TTC21A: variants seen among roughly 807,000 people sequenced by gnomAD.
The protein encoded by TTC21A is tetratricopeptide repeat domain 21A.
In TTC21A, 128 loss-of-function variants were observed where a neutral mutation model predicts 156.4. That is an observed-to-expected ratio of 0.82 (90% CI 0.71 to 0.95). The LOEUF (loss-of-function observed/expected upper bound fraction) is 0.95, where lower values mean the gene tolerates loss of function less well. Among genes scored for constraint, TTC21A ranks in the 40% least tolerant of loss-of-function variants. TTC21A has a pLI of 0.00. For missense variants in TTC21A, 1,435 were observed against 1,602.3 expected (o/e 0.90, Z 1.78); for synonymous variants, 587 against 617.1 (o/e 0.95, Z 0.72).
At chr3:39,113,691 G>A (rs2037022971) in intron 5 of TTC21A, among the ~76,000 whole-genome samples, 1 of 152,202 alleles carries the variant, frequency 6.6e-6, no homozygotes, top group African/African-American at 2.4e-5. Flanking sequence ...CATTTAGTTT[G>A]TTTTTCTTCA....
In TTC21A at chr3:39,121,032, T is replaced by TA; in HGVS notation, c.937dup (p.Ser313LysfsTer68). On this transcript the variant is annotated frameshift_variant, in exon 9 of 29. Transcript: ENST00000683103. LOFTEE classifies it high-confidence loss of function. ...ACCAGGTGATTCTAGGGCTAGTGTG[T>TA]AGTTTCATCGAGCGCACCTTCATGG... 6.2e-7 allele frequency: 1 copy of TA among 1,613,140 alleles called. No individual in the cohort carries two copies. Among genetic ancestry groups the TA allele is most frequent in the Non-Finnish European group, 8.5e-7 (1 of 1,179,404 alleles).
chr3:39,107,735 G>T lies in TTC21A; in HGVS notation c.-103G>T. The T allele has an allele frequency of 1.3e-6, 2 of 1,532,468 alleles. No homozygotes were observed. The highest frequency in any genetic ancestry group is 2.3e-5 in the East Asian group (1 of 44,418). The allele number at this position is 1,532,468 out of a possible 1,614,324, so 94.9% of individuals were successfully genotyped here. A position where few individuals can be genotyped will look rare whatever the true frequency, so the allele number is the denominator to read the frequency against. On this transcript the variant is annotated 5_prime_UTR_variant, in exon 1 of 29. Coordinates refer to ENST00000683103, the MANE Select transcript of TTC21A (RefSeq NM_001366900.1). ...CAGCTCGGTTTCCAAGGACTGTAAC[G>T]CCTTCAACCGCCCGCCGCGATAGAG...
chr3:39,131,521 A>T (rs1358187156), intron 19 of TTC21A: 1 of 158,324 alleles, frequency 6.3e-6, no homozygotes, highest in Non-Finnish European at 1.4e-5. Flanking sequence ...AAATGTGCCC[A>T]AAGTTGGGTT....
chr3:39,133,740 C>T (rs112830800), intron 20 of TTC21A, among the ~76,000 whole-genome samples: 133 of 152,330 alleles, frequency 8.7e-4, no homozygotes, highest in African/African-American at 3.0e-3. Context: ...ACTCATTTAA[C>T]AGATACCTCA....
rs2037548559 is a variant in TTC21A, at chr3:39,119,364, C to CCTAACCTTT, written c.802-547_802-539dup. On this transcript the variant is annotated intron_variant, in intron 7 of 28. Coordinates refer to ENST00000683103, the MANE Select transcript of TTC21A (RefSeq NM_001366900.1). ...TGGCTGGGTGACCTCAGACCAATTG[C>CCTAACCTTT]CTAACCTTTCTAACCTTTCATGTGT... The CCTAACCTTT allele has an allele frequency of 2.0e-5, 3 of 152,196 alleles. No individual in the cohort carries two copies. In the South Asian group the frequency reaches 6.2e-4, roughly 31 times the overall value. The allele number at this position is 152,196 out of a possible 1,614,324, so 9.4% of individuals were successfully genotyped here.
In TTC21A at chr3:39,126,542, C is replaced by T. The variant is rs539570831; in HGVS notation, c.1522+152C>T. On this transcript the variant is annotated intron_variant, in intron 12 of 28. Coordinates refer to ENST00000683103, the MANE Select transcript of TTC21A (RefSeq NM_001366900.1). ...CACACTCTCCTTGCCTGGGGTACTA[C>T]GCACACACACACACACATGCATGCT... is the stretch of plus-strand genomic sequence containing the variant. 39 of 778,454 alleles carry T rather than the reference C, an allele frequency of 5.0e-5. 1 individual carries two copies. Among genetic ancestry groups the T allele is most frequent in the Admixed American group, 4.1e-4 (18 of 43,658 alleles). 48.2% of individuals were successfully genotyped at this position (778,454 alleles called of 1,614,324 possible).
intron 22 of TTC21A, among the ~76,000 whole-genome samples, chr3:39,135,879 C>A (rs910454043): frequency 5.3e-5 from 8 of 151,894 alleles, no homozygotes; most frequent in African/African-American, 1.9e-4. Flanking sequence ...ACGGTGAAAC[C>A]CTGTCTCTAC....
At chr3:39,137,865 A>T in intron 26 of TTC21A, 155 bp downstream of exon 26, 1 of 793,916 alleles carries the variant, frequency 1.3e-6, no homozygotes, top group East Asian at 2.7e-5. Context: ...ACAGACCAGA[A>T]TAGGAATGAG....
intron 15 of TTC21A, among the ~76,000 whole-genome samples, chr3:39,129,836 T>C (rs1360438439): frequency 1.3e-5 from 2 of 152,162 alleles, no homozygotes; most frequent in Non-Finnish European, 1.5e-5. Flanking sequence ...TCTGGAGGGA[T>C]AGCAGGTAGA....
chr3:39,133,314 A>C (rs919571535), intron 20 of TTC21A, 74 bp downstream of exon 20: 1 of 1,449,000 alleles, frequency 6.9e-7, no homozygotes, highest in Non-Finnish European at 9.4e-7. Flanking sequence ...CTGACCAGGT[A>C]CAGGGGCCAG....
rs77787383 is a variant in TTC21A, at chr3:39,132,233, T to G, written c.2563-819T>G. Among the ~76,000 whole-genome samples, 153 of 152,302 alleles carry G rather than the reference T, an allele frequency of 1.0e-3. 2 individuals carry two copies. In the East Asian group the frequency reaches 0.029, roughly 28 times the overall value. On this transcript the variant is annotated intron_variant, in intron 19 of 28. Coordinates refer to ENST00000683103, the MANE Select transcript of TTC21A (RefSeq NM_001366900.1). Reference sequence around the variant, plus strand: ...TTATAATCTTAAGGGACCAGCATCGTATATGTGGTCTGTCATTGACTGAAA... The same window carrying G: ...TTATAATCTTAAGGGACCAGCATCGGATATGTGGTCTGTCATTGACTGAAA...
intron 1 of TTC21A, 44 bp downstream of exon 1, chr3:39,107,908 C>T: frequency 3.1e-6 from 5 of 1,607,666 alleles, no homozygotes; most frequent in South Asian, 1.1e-5. Flanking sequence ...CGTGACTCCC[C>T]GCCCCTGACC....
rs202231899 is a variant in TTC21A at position 39,129,309 on chromosome 3, C to A, written c.2134C>A (p.Arg712Ser). The A allele has an allele frequency of 3.7e-6, 6 of 1,609,662 alleles. No homozygotes were observed. In the Admixed American group the frequency reaches 1.0e-4, roughly 27 times the overall value. ...CAGGCGCCTCTACATCAGATGCTAC[C>A]GGTAAGCCCCACAGGCAGCACAATG... ...RDRRLYIRCY[R>S]ELCEHLPGPH... The change falls in exon 15 of 29, where the codon CGT (arginine) becomes AGT (serine). Residue 712 changes from arginine (R) to serine (S), a missense_variant and splice_region_variant. Coordinates refer to ENST00000683103, the MANE Select transcript of TTC21A (RefSeq NM_001366900.1).
chr3:39,138,566 T>C lies in TTC21A; in HGVS notation c.3807T>C (p.Leu1269=), dbSNP rs1213653287. The C allele has an allele frequency of 6.2e-7, 1 of 1,614,190 alleles. No individual in the cohort carries two copies. Among genetic ancestry groups the C allele is most frequent in the Non-Finnish European group, 8.5e-7 (1 of 1,180,036 alleles). The change falls in exon 28 of 29, where the codon CTT becomes CTC. Residue 1269 remains leucine, a synonymous_variant. Coordinates refer to ENST00000683103, the MANE Select transcript of TTC21A (RefSeq NM_001366900.1). ...HHANPAIGFK[L]AFNYLKDKKF... ...CCATGTCCCCGGTAGGCTTCAAACT[T>C]GCTTTCAACTACCTGAAGGACAAGA...
In TTC21A at chr3:39,130,659, G is replaced by A; in HGVS notation, c.2320-42G>A. ...GGAACATGGTGTCGGGCACTGAAGG[G>A]CAGAACCAGGCCAGAGGCTAATATT... On this transcript the variant is annotated intron_variant, in intron 17 of 28. Transcript: ENST00000683103. This position sits in a 1 kb window ranked among gnomAD's most constrained non-coding sequence, Gnocchi z 4.5. The A allele has an allele frequency of 6.2e-7, 1 of 1,608,574 alleles. No individual in the cohort carries two copies. The highest frequency in any genetic ancestry group is 8.5e-7 in the Non-Finnish European group (1 of 1,176,100).
chr3:39,137,610 AC>A lies in TTC21A; in HGVS notation c.3577del (p.Leu1193TrpfsTer22). Reference protein sequence around the residue: ...KTPWVLSEAEDLEKSWLLLAD... With the variant: ...KTPWVLSEAEXLEKSWLLLAD... ...CCCTGGGTGCTGAGTGAGGCTGAGG[AC>A]CTGGAGAAGAGCTGGCTCCTGCTGG... On this transcript the variant is annotated frameshift_variant, in exon 26 of 29. Transcript: ENST00000683103. LOFTEE classifies it high-confidence loss of function. 1 of 1,614,192 alleles carries A rather than the reference AC, an allele frequency of 6.2e-7. No homozygotes were observed. Among genetic ancestry groups the A allele is most frequent in the Non-Finnish European group, 8.5e-7 (1 of 1,180,016 alleles).
rs968048262 is a variant in TTC21A, at chr3:39,121,250, A to G, written c.1093+61A>G. 14 of 1,485,848 alleles carry G rather than the reference A, an allele frequency of 9.4e-6. No homozygotes were observed. The African/African-American group carries it at 1.2e-4, about 13-fold the overall frequency. The allele number at this position is 1,485,848 out of a possible 1,614,324, so 92.0% of individuals were successfully genotyped here. On this transcript the variant is annotated intron_variant, in intron 9 of 28. Coordinates refer to ENST00000683103, the MANE Select transcript of TTC21A (RefSeq NM_001366900.1). ...TCGGGAGCCAAACCGGGCAGCTTCCATGGGTCCAGAAGAGAGGTGCTGGAA... is the reference window on the plus strand; with the variant it reads ...TCGGGAGCCAAACCGGGCAGCTTCCGTGGGTCCAGAAGAGAGGTGCTGGAA...
Position 39,130,542 on chromosome 3 carries a change from G to A in TTC21A, c.2320-159G>A. On this transcript the variant is annotated intron_variant, in intron 17 of 28. Coordinates refer to ENST00000683103, the MANE Select transcript of TTC21A (RefSeq NM_001366900.1). This position sits in a 1 kb window ranked among gnomAD's most constrained non-coding sequence, Gnocchi z 4.5. ...TCTGCTGCTGACCACACCTGCTTAA[G>A]CTGAGGGTTACACCCTGTGCCAGCT... 3 of 1,048,556 alleles carry A rather than the reference G, an allele frequency of 2.9e-6. No individual in the cohort carries two copies. Among genetic ancestry groups the A allele is most frequent in the South Asian group, 3.0e-5 (2 of 66,162 alleles). The allele number at this position is 1,048,556 out of a possible 1,614,324, so 65.0% of individuals were successfully genotyped here.
At chr3:39,109,984 T>A in intron 2 of TTC21A, 45 bp from the exon 3 acceptor site, 1 of 1,420,072 alleles carries the variant, frequency 7.0e-7, no homozygotes, top group Non-Finnish European at 9.9e-7. Context: ...TCATGTCCTC[T>A]AGTCCTGGAG....
Sources: gnomAD v4.1 joint callset for allele counts (sites outside exome capture counted in the v4.1 genomes callset) on GRCh38, gnomAD v4.1.1 for gene constraint, Gnocchi (gnomAD v3.1) non-coding constraint, MANE v1.5 for transcripts, NCBI Gene and HGNC (gene_info 2026-07-23, HGNC 2026-07-21) for gene names.